The following PPARGC1B variants were observed in gnomAD, a reference collection of about 807,000 sequenced individuals.
PPARGC1B encodes peroxisome proliferator-activated receptor gamma coactivator 1-beta.
Under a neutral mutation model 101.6 loss-of-function variants are expected in PPARGC1B, and 34 were observed. The ratio of observed to expected loss-of-function variants is 0.33; its 90% confidence interval spans 0.25 to 0.45. PPARGC1B has a LOEUF of 0.45. Ranked by LOEUF, PPARGC1B falls within the 20% of genes least tolerant of loss-of-function variation. PPARGC1B has a pLI of 1.00. For missense variants in PPARGC1B, 1,234 were observed against 1,317.6 expected (o/e 0.94, Z 0.98); for synonymous variants, 548 against 539.3 (o/e 1.02, Z -0.22).
intron 1 of PPARGC1B, 57 bp from the exon 2 acceptor site, chr5:149,820,376 T>C: frequency 6.5e-7 from 1 of 1,542,544 alleles, no homozygotes; most frequent in Non-Finnish European, 8.9e-7. Context: ...AGAGGGCCCC[T>C]GCTTGGGTCT....
intron 1 of PPARGC1B, among the ~76,000 whole-genome samples, chr5:149,817,146 A>G (rs946970991): frequency 1.3e-5 from 2 of 151,620 alleles, no homozygotes; most frequent in Non-Finnish European, 2.9e-5. Flanking sequence ...TGCTCTTCCC[A>G]CCTCTTCCAC....
chr5:149,788,122 A>G (rs1756876781), intron 1 of PPARGC1B, among the ~76,000 whole-genome samples: 2 of 152,248 alleles, frequency 1.3e-5, no homozygotes, highest in Non-Finnish European at 1.5e-5. Flanking sequence ...AGAAACTACC[A>G]TCAGAGTGAA....
At position 149,837,670 on chromosome 5, in the gene PPARGC1B, A is replaced by T. The variant is rs2113422745; in HGVS notation, c.2618+597A>T. Among the ~76,000 whole-genome samples, 1 of 152,336 alleles carries T rather than the reference A, an allele frequency of 6.6e-6. No homozygotes were observed. Among genetic ancestry groups the T allele is most frequent in the African/African-American group, 2.4e-5 (1 of 41,574 alleles). On this transcript the variant is annotated intron_variant, in intron 8 of 11. Transcript: ENST00000309241. The surrounding 1 kb of genome is among the most constrained non-coding windows in gnomAD (Gnocchi z 4.2). ...TTGCTCGTATCATCCTCGCTCGCTGAACCAGACTGGAGAAGAAGCCAGTCC... is the reference window on the plus strand; with the variant it reads ...TTGCTCGTATCATCCTCGCTCGCTGTACCAGACTGGAGAAGAAGCCAGTCC...
At chr5:149,790,473 G>A (rs1310060792) in intron 1 of PPARGC1B, among the ~76,000 whole-genome samples, 1 of 152,062 alleles carries the variant, frequency 6.6e-6, no homozygotes, top group Non-Finnish European at 1.5e-5. Context: ...TCCCTGTCCA[G>A]ACTGCTGTAG....
At chr5:149,825,082 G>A (rs572616522) in intron 2 of PPARGC1B, among the ~76,000 whole-genome samples, 1 of 151,884 alleles carries the variant, frequency 6.6e-6, no homozygotes, top group South Asian at 2.1e-4. Flanking sequence ...TGTGCCTTCT[G>A]CCAGAACAGC....
intron 1 of PPARGC1B, among the ~76,000 whole-genome samples, chr5:149,750,289 ATT>A (rs919958527): frequency 4.1e-5 from 6 of 145,774 alleles, no homozygotes; most frequent in African/African-American, 1.5e-4. Flanking sequence ...TTCAGGCCAG[ATT>A]TTTTTTTTTT....
rs1040832831 is a variant in PPARGC1B at position 149,851,512 on chromosome 5, G to A, written c.*3954G>A. ...ATTTGAGATTTAGCAGCTGCCTTCAGTTTGGGGTTACCCACATCCCAGCAT... is the reference window on the plus strand; with the variant it reads ...ATTTGAGATTTAGCAGCTGCCTTCAATTTGGGGTTACCCACATCCCAGCAT... On this transcript the variant is annotated 3_prime_UTR_variant, in exon 12 of 12. Transcript: ENST00000309241. 6.6e-6 allele frequency: 1 copy of A among 152,198 alleles called. No homozygotes were observed. Among genetic ancestry groups the A allele is most frequent in the Non-Finnish European group, 1.5e-5 (1 of 68,034 alleles). The allele number at this position is 152,198 out of a possible 1,614,324, so 9.4% of individuals were successfully genotyped here.
chr5:149,741,907 A>G lies in PPARGC1B; in HGVS notation c.78+11487A>G, dbSNP rs142437113. Reference sequence around the variant, plus strand: ...GGCCTCCCAAAGTGCTGGGATTACAAGCGTGAGCCACCACGCCTGGCATAG... The same window carrying G: ...GGCCTCCCAAAGTGCTGGGATTACAGGCGTGAGCCACCACGCCTGGCATAG... On this transcript the variant is annotated intron_variant, in intron 1 of 11. Coordinates refer to ENST00000309241, the MANE Select transcript of PPARGC1B (RefSeq NM_133263.4). Among the ~76,000 whole-genome samples, 273 of 152,174 alleles carry G rather than the reference A, an allele frequency of 1.8e-3. 2 individuals are homozygous for G. Among genetic ancestry groups the G allele is most frequent in the African/African-American group, 6.3e-3 (260 of 41,518 alleles).
At chr5:149,764,943 A>G (rs1755849961) in intron 1 of PPARGC1B, among the ~76,000 whole-genome samples, 1 of 152,228 alleles carries the variant, frequency 6.6e-6, no homozygotes, top group Non-Finnish European at 1.5e-5. Flanking sequence ...TAGTACCCAA[A>G]CACACATGTC....
chr5:149,826,585 C>G, intron 2 of PPARGC1B, 88 bp from the exon 3 acceptor site: 1 of 1,040,068 alleles, frequency 9.6e-7, no homozygotes, highest in Non-Finnish European at 1.5e-6. Context: ...CTGGGCAGAG[C>G]TGGTGTCCAC....
At position 149,778,451 on chromosome 5, in the gene PPARGC1B, C is replaced by T. The variant is rs1204892380; in HGVS notation, c.79-41982C>T. On this transcript the variant is annotated intron_variant, in intron 1 of 11. Coordinates refer to ENST00000309241, the MANE Select transcript of PPARGC1B (RefSeq NM_133263.4). The stretch of plus-strand genomic sequence containing the variant: ...AAGCAGAAGCGGGGCTCTTGGGCTC[C>T]CTGGGTTGGGGACCTTCAGGACTGT... Among the ~76,000 whole-genome samples the T allele has an allele frequency of 2.6e-5, 4 of 151,948 alleles. No homozygotes were observed. In the East Asian group the frequency reaches 7.7e-4, roughly 29 times the overall value.
At chr5:149,794,349 C>T (rs143136494) in intron 1 of PPARGC1B, among the ~76,000 whole-genome samples, 1 of 152,264 alleles carries the variant, frequency 6.6e-6, no homozygotes, top group African/African-American at 2.4e-5. Flanking sequence ...TAGACAGTGT[C>T]TAATTTAACT....
intron 1 of PPARGC1B, among the ~76,000 whole-genome samples, chr5:149,731,589 A>C (rs990222434): frequency 2.0e-5 from 3 of 150,406 alleles, no homozygotes; most frequent in South Asian, 2.1e-4. Flanking sequence ...CCCGTTTTGC[A>C]TAACAGTGGA....
In PPARGC1B at chr5:149,851,460, A is replaced by T. The variant is rs562955806; in HGVS notation, c.*3902A>T. On this transcript the variant is annotated 3_prime_UTR_variant, in exon 12 of 12. Coordinates refer to ENST00000309241, the MANE Select transcript of PPARGC1B (RefSeq NM_133263.4). ...GAGGATGTATTGATCTGACTCACTG[A>T]TGTCAAAATTGCAGTATTTTTTTAG... 3 of 152,362 alleles carry T rather than the reference A, an allele frequency of 2.0e-5. No homozygotes were observed. The highest frequency in any genetic ancestry group is 7.2e-5 in the African/African-American group (3 of 41,578). 9.4% of individuals were successfully genotyped at this position (152,362 alleles called of 1,614,324 possible).
downstream of PPARGC1B, among the ~76,000 whole-genome samples, chr5:149,856,614 T>C (rs914811147): frequency 2.6e-5 from 4 of 152,208 alleles, no homozygotes; most frequent in African/African-American, 9.6e-5. Flanking sequence ...TCCCTGGTTT[T>C]CCCAAATATG....
intron 1 of PPARGC1B, among the ~76,000 whole-genome samples, chr5:149,763,874 C>T (rs754275976): frequency 5.9e-5 from 9 of 151,844 alleles, no homozygotes; most frequent in Non-Finnish European, 1.3e-4. Context: ...ACCTCTGCCT[C>T]CTGGGCTAAA....
At chr5:149,758,219 C>T (rs1755605587) in intron 1 of PPARGC1B, among the ~76,000 whole-genome samples, 1 of 152,232 alleles carries the variant, frequency 6.6e-6, no homozygotes, top group Admixed American at 6.5e-5. Context: ...TAACCCTGCC[C>T]TTTGGGCAAG....
chr5:149,759,556 C>A (rs1472560152), intron 1 of PPARGC1B, among the ~76,000 whole-genome samples: 1 of 152,192 alleles, frequency 6.6e-6, no homozygotes, highest in Non-Finnish European at 1.5e-5. Flanking sequence ...TACCTGTCTT[C>A]AGCAGCTGTT....
chr5:149,788,152 G>A (rs548753515), intron 1 of PPARGC1B, among the ~76,000 whole-genome samples: 21 of 152,142 alleles, frequency 1.4e-4, no homozygotes, highest in Non-Finnish European at 2.9e-4. Context: ...TACAGAATGG[G>A]AGAAAATTTT....
Sources: allele counts gnomAD v4.1 joint callset (sites outside exome capture counted in the v4.1 genomes callset), GRCh38; gene constraint gnomAD v4.1.1; non-coding constraint Gnocchi (gnomAD v3.1); transcripts MANE v1.5; gene names NCBI Gene and HGNC (gene_info 2026-07-23, HGNC 2026-07-21).